Variants in DPH6 observed in about 807,000 individuals in gnomAD.
The protein encoded by DPH6 is diphthine--ammonia ligase.
In DPH6, 33 loss-of-function variants were observed where a neutral mutation model predicts 38.2. That is an observed-to-expected ratio of 0.86 (90% CI 0.65 to 1.15). The LOEUF (loss-of-function observed/expected upper bound fraction) is 1.15. DPH6 is among the 50% of genes most tolerant of loss of function. The pLI is 0.00. For synonymous variants in DPH6, 108 were observed against 103.0 expected, an observed-to-expected ratio of 1.05 and a Z score of -0.30; for missense variants, 325 against 320.0, an observed-to-expected ratio of 1.02 and a Z score of -0.12.
chr15:35,501,836 G>C (rs977838281), intron 3 of DPH6, among the ~76,000 whole-genome samples: 1 of 152,034 alleles, frequency 6.6e-6, no homozygotes, highest in Non-Finnish European at 1.5e-5. Flanking sequence ...TTTCTAAGCA[G>C]GGTAAAAAGG....
chr15:35,516,043 G>A (rs999483369), intron 3 of DPH6, among the ~76,000 whole-genome samples: 1 of 152,042 alleles, frequency 6.6e-6, no homozygotes, highest in Non-Finnish European at 1.5e-5. Context: ...TTCTTACCTC[G>A]TATCAAGCGA....
intron 3 of DPH6, among the ~76,000 whole-genome samples, chr15:35,314,742 G>A (rs946126142): frequency 2.0e-5 from 3 of 152,134 alleles, no homozygotes; most frequent in African/African-American, 7.2e-5. Flanking sequence ...AGATAAGTGG[G>A]TGCCTTAAGA....
At chr15:35,331,465 T>A (rs568038712) in intron 3 of DPH6, among the ~76,000 whole-genome samples, 7 of 152,162 alleles carry the variant, frequency 4.6e-5, no homozygotes, top group Admixed American at 4.6e-4. Flanking sequence ...TAGAGTACCA[T>A]TGAAAATTTG....
chr15:35,508,483 C>T (rs923834096), intron 3 of DPH6, among the ~76,000 whole-genome samples: 8 of 152,022 alleles, frequency 5.3e-5, no homozygotes, highest in African/African-American at 1.9e-4. Context: ...TTCATCTATT[C>T]AAAAAACCAT....
intron 3 of DPH6, chr15:35,237,967 G>C: frequency 2.8e-6 from 4 of 1,428,616 alleles, no homozygotes; most frequent in East Asian, 2.3e-5. Flanking sequence ...ACGATGGAGA[G>C]GTTGATGATG....
intron 3 of DPH6, among the ~76,000 whole-genome samples, chr15:35,512,963 T>G (rs2054795248): frequency 6.6e-6 from 1 of 151,978 alleles, no homozygotes; most frequent in African/African-American, 2.4e-5. Context: ...TCTACCTAAT[T>G]TACAAAATTA....
intron 3 of DPH6, among the ~76,000 whole-genome samples, chr15:35,290,412 T>C (rs945884310): frequency 6.6e-6 from 1 of 152,094 alleles, no homozygotes; most frequent in African/African-American, 2.4e-5. Context: ...CAATAATACA[T>C]GAAGTGCAGT....
chr15:35,177,443 G>A, the DPH6 span, among the ~76,000 whole-genome samples: 1 of 144,546 alleles, frequency 6.9e-6, no homozygotes, highest in South Asian at 2.3e-4. Context: ...AAAATTAGCT[G>A]AGCATGATGG....
intron 5 of DPH6, among the ~76,000 whole-genome samples, chr15:35,426,283 T>A (rs1167594675): frequency 6.6e-6 from 1 of 151,754 alleles, no homozygotes; most frequent in Non-Finnish European, 1.5e-5. Context: ...TAACTCTACT[T>A]GAAAGCACAT....
chr15:35,353,656 A>G (rs2052534921), intron 3 of DPH6, among the ~76,000 whole-genome samples: 1 of 152,208 alleles, frequency 6.6e-6, no homozygotes, highest in Admixed American at 6.5e-5. Flanking sequence ...TTTTGGTACC[A>G]GTAGCATGCT....
intron 7 of DPH6, among the ~76,000 whole-genome samples, chr15:35,379,520 T>G (rs143633125): frequency 2.0e-3 from 312 of 152,372 alleles, no homozygotes; most frequent in African/African-American, 7.1e-3. Context: ...TTTAATTGTA[T>G]TATATGGAAG....
At chr15:35,147,467 T>C in the DPH6 span, among the ~76,000 whole-genome samples, 4,720 of 152,224 alleles carry the variant, frequency 0.031, 244 homozygotes, top group African/African-American at 0.11. Flanking sequence ...CAATATAAAA[T>C]TGTAAACAAT....
chr15:35,232,385 T>A (rs1041583803), intron 3 of DPH6, among the ~76,000 whole-genome samples: 1 of 151,930 alleles, frequency 6.6e-6, no homozygotes, highest in African/African-American at 2.4e-5. Context: ...TTCAAGACCA[T>A]CCTGGCCAAC....
intron 3 of DPH6, among the ~76,000 whole-genome samples, chr15:35,456,007 C>T (rs1046931734): frequency 6.6e-6 from 1 of 152,034 alleles, no homozygotes; most frequent in African/African-American, 2.4e-5. Context: ...TCTTTAAAGT[C>T]GATTTAAAAT....
At chr15:35,213,908 C>A (rs542479514), downstream of DPH6, among the ~76,000 whole-genome samples, 9 of 152,126 alleles carry the variant, frequency 5.9e-5, no homozygotes, top group Non-Finnish European at 1.2e-4. Context: ...GTCAGGAGAT[C>A]GAGACCATCC....
intron 5 of DPH6, among the ~76,000 whole-genome samples, chr15:35,427,424 T>C (rs1353156012): frequency 6.6e-6 from 1 of 151,960 alleles, no homozygotes; most frequent in Non-Finnish European, 1.5e-5. Flanking sequence ...CAAGCAAGTA[T>C]TTCCAAATAT....
chr15:35,353,504 C>A (rs1289154382), intron 3 of DPH6, among the ~76,000 whole-genome samples: 2 of 152,176 alleles, frequency 1.3e-5, no homozygotes, highest in South Asian at 4.1e-4. Flanking sequence ...ATATGGCTAG[C>A]CAGTTTTCCC....
At chr15:35,517,545 G>A (rs1451074721) in intron 3 of DPH6, among the ~76,000 whole-genome samples, 5 of 151,930 alleles carry the variant, frequency 3.3e-5, no homozygotes, top group Admixed American at 1.3e-4. Context: ...ACCATATTTG[G>A]TTATTGAGAA....
chr15:35,263,856 C>A (rs1242707517), intron 3 of DPH6, among the ~76,000 whole-genome samples: 2 of 151,962 alleles, frequency 1.3e-5, no homozygotes, highest in Non-Finnish European at 2.9e-5. Context: ...GGACTACAGG[C>A]GCCCACCACC....
Sources: allele counts gnomAD v4.1 joint callset (sites outside exome capture counted in the v4.1 genomes callset), GRCh38; gene constraint gnomAD v4.1.1; transcripts MANE v1.5; gene names NCBI Gene and HGNC (gene_info 2026-07-23, HGNC 2026-07-21).